Variants in LRRFIP1 observed in about 807,000 individuals in gnomAD.
LRRFIP1 encodes leucine-rich repeat flightless-interacting protein 1.
Under a neutral mutation model 104.4 loss-of-function variants are expected in LRRFIP1, and 62 were observed. The observed-to-expected ratio is 0.59, with a 90% CI of 0.48 to 0.73. The LOEUF (loss-of-function observed/expected upper bound fraction) is 0.73. Among genes scored for constraint, LRRFIP1 ranks in the 30% least tolerant of loss-of-function variants. LRRFIP1 has a pLI of 0.00. For synonymous variants in LRRFIP1, 300 were observed against 299.0 expected (o/e 1.00, Z -0.03); for missense variants, 796 against 824.5 (o/e 0.97, Z 0.42).
intron 1 of LRRFIP1, among the ~76,000 whole-genome samples, chr2:237,633,893 C>T (rs921014890): frequency 6.6e-6 from 1 of 152,154 alleles, no homozygotes; most frequent in East Asian, 1.9e-4. Context: ...TGGCACATGT[C>T]GTCCCCCACT....
At chr2:237,702,214 T>C (rs2093574380) in intron 1 of LRRFIP1, among the ~76,000 whole-genome samples, 1 of 152,186 alleles carries the variant, frequency 6.6e-6, no homozygotes, top group Non-Finnish European at 1.5e-5. Context: ...TATTCACATA[T>C]GGTAAAATAA....
intron 1 of LRRFIP1, among the ~76,000 whole-genome samples, chr2:237,695,106 G>GGT (rs969240610): frequency 1.3e-5 from 2 of 152,170 alleles, no homozygotes; most frequent in African/African-American, 4.8e-5. Context: ...GGAATCATAT[G>GGT]GTGTGTGTTT....
chr2:237,763,687 A>C (rs1463954797), intron 19 of LRRFIP1: 1 of 1,614,240 alleles, frequency 6.2e-7, no homozygotes, highest in Non-Finnish European at 8.5e-7. Flanking sequence ...AACTTGACCA[A>C]GAAGGTGATG....
At chr2:237,753,515 G>C (rs1205950890) in intron 15 of LRRFIP1, 36 bp downstream of exon 15, 22 of 1,504,318 alleles carry the variant, frequency 1.5e-5, no homozygotes, top group Non-Finnish European at 1.7e-5. Flanking sequence ...TTAACAATAG[G>C]CTGCGTGCAG....
intron 11 of LRRFIP1, among the ~76,000 whole-genome samples, chr2:237,742,843 C>G (rs1209007549): frequency 2.0e-5 from 3 of 152,056 alleles, no homozygotes; most frequent in Non-Finnish European, 4.4e-5. Flanking sequence ...ACCCTCCAGT[C>G]TGGCCTTCCT....
At position 237,723,567 on chromosome 2, in the gene LRRFIP1, A is replaced by C. The variant is rs1404454366; in HGVS notation, c.365A>C (p.Tyr122Ser). Residue 122 changes from tyrosine (Y) to serine (S), a missense_variant, in exon 7 of 24, where the codon TAT becomes TCT. Physicochemically the swap from Tyr to Ser is moderately radical, Grantham distance 144. Coordinates refer to ENST00000308482, the MANE Select transcript of LRRFIP1 (RefSeq NM_001137550.2). ...TGACAGTCGCAGCCTGACTTGGAGTATGGGGGTCCTTACGCCTGGGTGAGA... is the reference window on the plus strand; with the variant it reads ...TGACAGTCGCAGCCTGACTTGGAGTCTGGGGGTCCTTACGCCTGGGTGAGA... ...GSLRSQPDLEYGGPYAWTNGY... is the reference protein window; with the variant it reads ...GSLRSQPDLESGGPYAWTNGY... The C allele has an allele frequency of 6.2e-7, 1 of 1,613,412 alleles. No homozygotes were observed. The highest frequency in any genetic ancestry group is 8.5e-7 in the Non-Finnish European group (1 of 1,179,790).
intron 18 of LRRFIP1, 75 bp downstream of exon 18, chr2:237,758,896 C>A: frequency 1.0e-6 from 1 of 956,636 alleles, no homozygotes; most frequent in Non-Finnish European, 1.6e-6. Flanking sequence ...TTTTGGGATG[C>A]TGTGAATATG....
Position 237,739,237 on chromosome 2 carries a change from G to T in LRRFIP1, c.561G>T (p.Ser187=). 1 of 1,559,778 alleles carries T rather than the reference G, an allele frequency of 6.4e-7. No individual in the cohort carries two copies. Among genetic ancestry groups the T allele is most frequent in the Non-Finnish European group, 8.7e-7 (1 of 1,152,108 alleles). The change falls in exon 11 of 24, where the codon TCG becomes TCT. Residue 187 remains serine, a synonymous_variant. Coordinates refer to ENST00000308482, the MANE Select transcript of LRRFIP1 (RefSeq NM_001137550.2). Reference sequence around the variant, plus strand: ...GGCGGTGGCTGTGTGGGCAGCCCTCGGAGTACAGCGGCCACCTCAACTCCA... The same window carrying T: ...GGCGGTGGCTGTGTGGGCAGCCCTCTGAGTACAGCGGCCACCTCAACTCCA... The part of the protein sequence containing the change: ...RGSTSGSRAP[S]EYSGHLNSSS...
intron 1 of LRRFIP1, among the ~76,000 whole-genome samples, chr2:237,628,372 T>G (rs1239224462): frequency 6.6e-6 from 1 of 152,214 alleles, no homozygotes; most frequent in African/African-American, 2.4e-5. Context: ...AAGATCATGT[T>G]TGGTGATGAA....
rs559821135 is a variant in LRRFIP1 at position 237,701,351 on chromosome 2, C to G, written c.97-7193C>G. Among the ~76,000 whole-genome samples, 7 of 152,354 alleles carry G rather than the reference C, an allele frequency of 4.6e-5. No individual in the cohort carries two copies. In the South Asian group the frequency reaches 1.2e-3, roughly 27 times the overall value. ...TGGGGTTCAGGGTGTTGGGCTGTCC[C>G]CACCCTTAGGCAGTACTCCCACTGC... On this transcript the variant is annotated intron_variant, in intron 1 of 23. Transcript: ENST00000308482.
chr2:237,717,678 A>G lies in LRRFIP1; in HGVS notation c.202-84A>G, dbSNP rs961760753. On this transcript the variant is annotated intron_variant, in intron 3 of 23. Coordinates refer to ENST00000308482, the MANE Select transcript of LRRFIP1 (RefSeq NM_001137550.2). This position sits in a 1 kb window ranked among gnomAD's most constrained non-coding sequence, Gnocchi z 4.2. Reference sequence around the variant, plus strand: ...CACACGGCTGGATGGCGGTTTGGAAATGCATGTCAGAACAGTGCCTTAGAC... The same window carrying G: ...CACACGGCTGGATGGCGGTTTGGAAGTGCATGTCAGAACAGTGCCTTAGAC... 2.9e-6 allele frequency: 3 copies of G among 1,043,464 alleles called. No homozygotes were observed. Among genetic ancestry groups the G allele is most frequent in the African/African-American group, 1.6e-5 (1 of 63,766 alleles). 64.6% of individuals were successfully genotyped at this position (1,043,464 alleles called of 1,614,324 possible).
At chr2:237,663,152 G>T (rs917335612) in intron 1 of LRRFIP1, among the ~76,000 whole-genome samples, 8 of 152,132 alleles carry the variant, frequency 5.3e-5, no homozygotes, top group African/African-American at 1.9e-4. Context: ...ACCCAGATGG[G>T]CTAAGCTCCA....
chr2:237,685,403 G>A (rs1018387526), intron 1 of LRRFIP1, among the ~76,000 whole-genome samples: 2 of 152,152 alleles, frequency 1.3e-5, no homozygotes, highest in African/African-American at 4.8e-5. Context: ...AACATTTAAT[G>A]GTGTAATGTA....
At chr2:237,774,275 A>T (rs2060900040) in intron 22 of LRRFIP1, 83 bp from the exon 23 acceptor site, 1 of 788,102 alleles carries the variant, frequency 1.3e-6, no homozygotes. Context: ...ATTAAATCAC[A>T]CTCTTTGATC....
intron 11 of LRRFIP1, among the ~76,000 whole-genome samples, chr2:237,740,163 T>C (rs1372198344): frequency 1.3e-5 from 2 of 151,396 alleles, no homozygotes; most frequent in African/African-American, 4.9e-5. Flanking sequence ...CCCAGCGTCA[T>C]GGGAGGCTGA....
intron 1 of LRRFIP1, among the ~76,000 whole-genome samples, chr2:237,636,456 G>GT (rs1000424198): frequency 2.7e-5 from 4 of 148,860 alleles, no homozygotes; most frequent in Admixed American, 2.0e-4. Flanking sequence ...GAATTGCTAA[G>GT]TTTTTTTATT....
chr2:237,763,415 A>G (rs759295526), intron 19 of LRRFIP1: 5 of 1,614,006 alleles, frequency 3.1e-6, no homozygotes, highest in Non-Finnish European at 3.4e-6. Flanking sequence ...ATCGCAGAAG[A>G]AGACAAAGAA....
chr2:237,687,139 T>C (rs996584258), intron 1 of LRRFIP1, among the ~76,000 whole-genome samples: 2 of 152,170 alleles, frequency 1.3e-5, no homozygotes, highest in African/African-American at 4.8e-5. Flanking sequence ...GAGACCTGGG[T>C]TGAAAACCTA....
chr2:237,743,536 G>T (rs958897557), intron 11 of LRRFIP1, among the ~76,000 whole-genome samples: 1 of 152,194 alleles, frequency 6.6e-6, no homozygotes, highest in African/African-American at 2.4e-5. Flanking sequence ...CTCCCATGCT[G>T]TGGATGAGCT....
Sources: allele counts gnomAD v4.1 joint callset (sites outside exome capture counted in the v4.1 genomes callset), GRCh38; gene constraint gnomAD v4.1.1; non-coding constraint Gnocchi (gnomAD v3.1); transcripts MANE v1.5; gene names NCBI Gene and HGNC (gene_info 2026-07-23, HGNC 2026-07-21).